Variants in TRPC5 observed in about 807,000 individuals in gnomAD.
The protein encoded by TRPC5 is transient receptor potential cation channel subfamily C member 5.
Under a neutral mutation model 56.5 loss-of-function variants are expected in TRPC5, and 9 were observed. That is an observed-to-expected ratio of 0.16 (90% CI 0.10 to 0.28). TRPC5 has a LOEUF of 0.28. Ranked by LOEUF, TRPC5 falls within the 10% of genes least tolerant of loss-of-function variation. The probability of loss-of-function intolerance (pLI) is 1.00; values close to 1 mark genes in which losing one functional copy is unlikely to be tolerated. For missense variants in TRPC5, 469 were observed against 748.9 expected, an observed-to-expected ratio of 0.63 and a Z score of 4.36; for synonymous variants, 282 against 278.5, an observed-to-expected ratio of 1.01 and a Z score of -0.13.
At position 111,877,499 on chromosome X, in the gene TRPC5, A is replaced by G. The variant is rs12688427; in HGVS notation, c.901-23393T>C. Among the ~76,000 whole-genome samples the G allele has an allele frequency of 6.3e-5, 7 of 110,711 alleles. No homozygotes were observed. In the East Asian group the frequency reaches 1.7e-3, roughly 27 times the overall value. On this transcript the variant is annotated intron_variant, in intron 3 of 10. Coordinates refer to ENST00000262839, the MANE Select transcript of TRPC5 (RefSeq NM_012471.3). Reference sequence around the variant, plus strand: ...GTCCTGGGTAAACCTCAAGTTTAGGATATGTTGGATTTGAGGTATGTATGG... The same window carrying G: ...GTCCTGGGTAAACCTCAAGTTTAGGGTATGTTGGATTTGAGGTATGTATGG...
intron 3 of TRPC5, among the ~76,000 whole-genome samples, chrX:111,889,138 TA>T (rs1924680308): frequency 1.8e-5 from 2 of 111,878 alleles, no homozygotes; most frequent in African/African-American, 6.5e-5. Context: ...TTGCAGCCCA[TA>T]TGAGGTCACC....
chrX:111,885,047 A>G lies in TRPC5; in HGVS notation c.900+27244T>C, dbSNP rs1924410613. Among the ~76,000 whole-genome samples, 3 of 112,959 alleles carry G rather than the reference A, an allele frequency of 2.7e-5. No individual in the cohort carries two copies. In the South Asian group the frequency reaches 1.1e-3, roughly 41 times the overall value. ...GCTTAGTCAGAGTCTAGTTAAGGCAAATGCAGGCCTTAAGCCTTGTTAAAG... is the reference window on the plus strand; with the variant it reads ...GCTTAGTCAGAGTCTAGTTAAGGCAGATGCAGGCCTTAAGCCTTGTTAAAG... On this transcript the variant is annotated intron_variant, in intron 3 of 10. Coordinates refer to ENST00000262839, the MANE Select transcript of TRPC5 (RefSeq NM_012471.3).
chrX:111,847,468 G>T, intron 5 of TRPC5, 32 bp from the exon 6 acceptor site: 2 of 1,127,735 alleles, frequency 1.8e-6, no homozygotes, highest in Non-Finnish European at 2.4e-6. Context: ...CAAGATGAGG[G>T]GTACAGTGAA....
At chrX:111,905,140 C>T (rs1201733870) in intron 3 of TRPC5, among the ~76,000 whole-genome samples, 1 of 108,564 alleles carries the variant, frequency 9.2e-6, no homozygotes, top group Non-Finnish European at 1.9e-5. Context: ...GTTATTAACC[C>T]ATTGTGATCC....
At chrX:111,893,327 A>G (rs1466703386) in intron 3 of TRPC5, among the ~76,000 whole-genome samples, 1 of 111,388 alleles carries the variant, frequency 9.0e-6, no homozygotes, top group Non-Finnish European at 1.9e-5. Context: ...TAGAAGTATT[A>G]CATCTCTTTC....
At chrX:111,797,018 A>G (rs1921120188) in intron 7 of TRPC5, among the ~76,000 whole-genome samples, 1 of 112,436 alleles carries the variant, frequency 8.9e-6, no homozygotes, top group South Asian at 3.6e-4. Context: ...TTTTAAAAAG[A>G]GAGCTATCCC....
chrX:111,992,599 TTATTATTA>T (rs1280166810), intron 1 of TRPC5, among the ~76,000 whole-genome samples: 1 of 107,511 alleles, frequency 9.3e-6, no homozygotes, highest in Non-Finnish European at 1.9e-5. Context: ...ATTATTATTA[TTATTATTA>T]TTATTATTAT....
chrX:111,930,905 C>A (rs747385181), intron 2 of TRPC5: 6 of 127,315 alleles, frequency 4.7e-5, no homozygotes, highest in African/African-American at 1.9e-4. Flanking sequence ...GCCCCAATCA[C>A]CCTGGAAGTG....
intron 1 of TRPC5, among the ~76,000 whole-genome samples, chrX:111,953,001 C>T (rs1927134454): frequency 8.9e-6 from 1 of 111,739 alleles, no homozygotes; most frequent in African/African-American, 3.3e-5. Context: ...TTCCTTCAGG[C>T]TCTAGGTCTC....
intron 7 of TRPC5, among the ~76,000 whole-genome samples, chrX:111,819,821 C>T (rs759715442): frequency 1.8e-5 from 2 of 111,691 alleles, no homozygotes; most frequent in East Asian, 5.6e-4. Context: ...TTCCCTCTCA[C>T]CTACTTCCTT....
At chrX:111,857,411 C>T (rs1163828830) in intron 3 of TRPC5, among the ~76,000 whole-genome samples, 1 of 111,660 alleles carries the variant, frequency 9.0e-6, no homozygotes, top group East Asian at 2.8e-4. Flanking sequence ...GGGAGGGAGG[C>T]TTCTCATTCA....
At position 112,046,195 on chromosome X, in the gene TRPC5, C is replaced by CTTT. The variant is rs369946250; in HGVS notation, c.-22+35681_-22+35683dup. Among the ~76,000 whole-genome samples, 232 of 88,639 alleles carry CTTT rather than the reference C, an allele frequency of 2.6e-3. 4 individuals carry two copies. The East Asian group carries it at 0.032, about 12-fold the overall frequency. 77.0% of individuals were successfully genotyped at this position (88,639 alleles called of 115,157 possible). A position where few individuals can be genotyped will look rare whatever the true frequency, so the allele number is the denominator to read the frequency against. On this transcript the variant is annotated intron_variant, in intron 1 of 10. Transcript: ENST00000262839. ...TAGCCCCGTCTACCGCCACCCCCAC[C>CTTT]TTTTTTTTTTTTTTTTTTGCTTTAT... is the stretch of plus-strand genomic sequence containing the variant.
intron 1 of TRPC5, among the ~76,000 whole-genome samples, chrX:111,962,075 G>A (rs1206324504): frequency 9.1e-6 from 1 of 110,432 alleles, no homozygotes; most frequent in Non-Finnish European, 1.9e-5. Flanking sequence ...TAGACACTGG[G>A]ACTCCAGAAA....
chrX:112,014,184 A>G (rs1603145703), intron 1 of TRPC5, among the ~76,000 whole-genome samples: 1 of 111,838 alleles, frequency 8.9e-6, no homozygotes, highest in Middle Eastern at 4.6e-3. Flanking sequence ...CCACTGTTTT[A>G]GTCTATAAAA....
At chrX:111,922,481 C>T (rs900319806) in intron 2 of TRPC5, among the ~76,000 whole-genome samples, 1 of 112,177 alleles carries the variant, frequency 8.9e-6, no homozygotes, top group African/African-American at 3.2e-5. Context: ...GTCCAAGGAA[C>T]GTGTGGAAAT....
chrX:111,807,135 T>C (rs1043663174), intron 7 of TRPC5, among the ~76,000 whole-genome samples: 1 of 111,620 alleles, frequency 9.0e-6, no homozygotes, highest in Non-Finnish European at 1.9e-5. Context: ...AAGTTATCTG[T>C]TATTATTTCT....
intron 3 of TRPC5, among the ~76,000 whole-genome samples, chrX:111,860,049 C>T (rs1923352428): frequency 8.9e-6 from 1 of 112,498 alleles, no homozygotes; most frequent in African/African-American, 3.2e-5. Context: ...GCTGGGGCTA[C>T]AGGCGCCCGC....
chrX:111,877,559 G>A (rs775020942), intron 3 of TRPC5, among the ~76,000 whole-genome samples: 1 of 111,350 alleles, frequency 9.0e-6, no homozygotes, highest in Non-Finnish European at 1.9e-5. Flanking sequence ...AGGTAGTGTG[G>A]TGTGTAGGAA....
At position 112,054,307 on chromosome X, in the gene TRPC5, A is replaced by G. The variant is rs1425030955; in HGVS notation, c.-22+27572T>C. On this transcript the variant is annotated intron_variant, in intron 1 of 10. Transcript: ENST00000262839. ...GGATGAATTGTCAAAGTAGGGGATT[A>G]TCATATGTTAAAGAATACTAAAAGG... 3.6e-5 allele frequency among the ~76,000 whole-genome samples: 4 copies of G among 110,959 alleles called. No individual in the cohort carries two copies. The East Asian group carries it at 8.6e-4, about 24-fold the overall frequency.
Sources: allele counts gnomAD v4.1 joint callset (sites outside exome capture counted in the v4.1 genomes callset), GRCh38; gene constraint gnomAD v4.1.1; transcripts MANE v1.5; gene names NCBI Gene and HGNC (gene_info 2026-07-23, HGNC 2026-07-21).